Variants in PKHD1 observed in about 807,000 individuals in gnomAD.
PKHD1 encodes fibrocystin.
Under a neutral mutation model 412.0 loss-of-function variants are expected in PKHD1, and 291 were observed. The observed-to-expected ratio is 0.71, with a 90% CI of 0.64 to 0.78. PKHD1 has a LOEUF of 0.78. PKHD1 is among the 30% of genes least tolerant of loss of function. The pLI is 0.00. For synonymous variants in PKHD1, 1,777 were observed against 1,821.5 expected (o/e 0.98, Z 0.62); for missense variants, 4,825 against 4,950.7 (o/e 0.97, Z 0.76).
intron 61 of PKHD1, among the ~76,000 whole-genome samples, chr6:51,651,070 T>C (rs1770881049): frequency 6.6e-6 from 1 of 152,126 alleles, no homozygotes; most frequent in Non-Finnish European, 1.5e-5. Context: ...CATCAAAGAT[T>C]CTCACATAAG....
intron 11 of PKHD1, among the ~76,000 whole-genome samples, chr6:52,067,709 G>A (rs377723588): frequency 6.6e-6 from 1 of 152,186 alleles, no homozygotes; most frequent in Non-Finnish European, 1.5e-5. Flanking sequence ...GCAAAAGATA[G>A]CCTGAGTGTG....
At chr6:52,084,008 C>T (rs1443186158) in intron 2 of PKHD1, among the ~76,000 whole-genome samples, 2 of 151,632 alleles carry the variant, frequency 1.3e-5, no homozygotes, top group African/African-American at 4.8e-5. Flanking sequence ...ATATACTAGG[C>T]TAGATTGGAT....
chr6:51,942,805 G>A (rs1029003018), intron 36 of PKHD1, among the ~76,000 whole-genome samples: 26 of 151,658 alleles, frequency 1.7e-4, no homozygotes, highest in African/African-American at 6.3e-4. Context: ...TTCCATCGTG[G>A]AAATCCATCC....
intron 37 of PKHD1, among the ~76,000 whole-genome samples, chr6:51,915,607 CAG>C (rs946087588): frequency 6.6e-6 from 1 of 152,008 alleles, no homozygotes; most frequent in Non-Finnish European, 1.5e-5. Context: ...GAGTGGCATG[CAG>C]AGACAGTTGC....
At chr6:51,830,038 G>T (rs530157192) in intron 52 of PKHD1, among the ~76,000 whole-genome samples, 4 of 152,254 alleles carry the variant, frequency 2.6e-5, no homozygotes, top group Non-Finnish European at 5.9e-5. Context: ...CCGGCACATT[G>T]TTAGTTCTCA....
At chr6:51,704,693 T>G (rs1779812509) in intron 60 of PKHD1, among the ~76,000 whole-genome samples, 1 of 152,070 alleles carries the variant, frequency 6.6e-6, no homozygotes, top group South Asian at 2.1e-4. Flanking sequence ...GAGAGTGTAC[T>G]GTTGAAAATA....
intron 36 of PKHD1, among the ~76,000 whole-genome samples, chr6:51,951,043 T>G (rs1790291643): frequency 6.6e-6 from 1 of 152,212 alleles, no homozygotes; most frequent in Non-Finnish European, 1.5e-5. Flanking sequence ...GTATTAACTC[T>G]GTACTAATTA....
chr6:51,867,500 T>C (rs1167525041), intron 48 of PKHD1, among the ~76,000 whole-genome samples: 2 of 152,150 alleles, frequency 1.3e-5, no homozygotes, highest in African/African-American at 4.8e-5. Flanking sequence ...GAAGAGTACA[T>C]GTATATAAAT....
At chr6:51,943,402 A>G (rs1273309495) in intron 36 of PKHD1, among the ~76,000 whole-genome samples, 1 of 151,122 alleles carries the variant, frequency 6.6e-6, no homozygotes, top group East Asian at 1.9e-4. Flanking sequence ...ACCAAAAAAA[A>G]AAAAAACTCA....
At chr6:51,622,488 G>C (rs1561974140) in intron 66 of PKHD1, 1 of 152,076 alleles carries the variant, frequency 6.6e-6, no homozygotes, top group Non-Finnish European at 1.5e-5. Context: ...CAACCATCTT[G>C]GTTTCTCATT....
At chr6:51,701,071 T>C (rs1437754712) in intron 60 of PKHD1, among the ~76,000 whole-genome samples, 1 of 152,076 alleles carries the variant, frequency 6.6e-6, no homozygotes, top group Non-Finnish European at 1.5e-5. Context: ...ACAACTAAAA[T>C]TATTATGGGA....
chr6:52,024,595 T>C lies in PKHD1; in HGVS notation c.5215A>G (p.Thr1739Ala). The C allele has an allele frequency of 1.2e-6, 2 of 1,614,158 alleles. No individual in the cohort carries two copies. The highest frequency in any genetic ancestry group is 1.7e-6 in the Non-Finnish European group (2 of 1,180,014). Residue 1739 changes from threonine to alanine, a missense_variant, in exon 32 of 67, where the codon ACA becomes GCA. Physicochemically the swap from Thr to Ala is moderately conservative, Grantham distance 58 (BLOSUM62 0). Coordinates refer to ENST00000371117, the MANE Select transcript of PKHD1 (RefSeq NM_138694.4). ...TTACCGAAGTTCTCCGTCACTGCTG[T>C]AATAATAACTCTTGAGGTGAACACC... ...ALVFTSRVII[T>A]AVTENFGCLG...
At chr6:51,668,974 C>T (rs1033747497) in intron 60 of PKHD1, among the ~76,000 whole-genome samples, 3 of 152,132 alleles carry the variant, frequency 2.0e-5, no homozygotes, top group African/African-American at 7.2e-5. Context: ...ATTTTTGCAT[C>T]AATGTTCATC....
chr6:51,697,396 CAT>C (rs1441030426), intron 60 of PKHD1, among the ~76,000 whole-genome samples: 1 of 152,202 alleles, frequency 6.6e-6, no homozygotes, highest in Admixed American at 6.5e-5. Flanking sequence ...CCCATCAACA[CAT>C]ATTCTGCACC....
chr6:52,024,873 T>G lies in PKHD1; in HGVS notation c.4937A>C (p.His1646Pro), dbSNP rs1275377289. The G allele has an allele frequency of 2.5e-6, 4 of 1,614,082 alleles. No individual in the cohort carries two copies. The highest frequency in any genetic ancestry group is 3.4e-6 in the Non-Finnish European group (4 of 1,180,040). ...LEIEVDGLWY[H>P]IGVIGYNKAF... ...CTTGTTATAACCAATGACTCCTATG[T>G]GATACCAAAGTCCATCTACCTCTAT... Residue 1646 changes from histidine (H) to proline (P), a missense_variant, in exon 32 of 67, where the codon CAC (histidine) becomes CCC (proline). By Grantham distance (77) the His-to-Pro change is moderately conservative. Transcript: ENST00000371117.
chr6:52,084,759 G>T, intron 2 of PKHD1, 123 bp downstream of exon 2: 2 of 761,482 alleles, frequency 2.6e-6, no homozygotes, highest in South Asian at 1.4e-5. Flanking sequence ...TTTTTGATTG[G>T]CAAGTTAAAA....
intron 52 of PKHD1, among the ~76,000 whole-genome samples, chr6:51,811,668 A>G (rs1764702737): frequency 6.6e-6 from 1 of 152,176 alleles, no homozygotes; most frequent in Admixed American, 6.6e-5. Context: ...AGATGGTAAT[A>G]GTGCTTCACA....
chr6:51,624,779 C>T (rs1767037990), intron 66 of PKHD1, among the ~76,000 whole-genome samples: 1 of 152,184 alleles, frequency 6.6e-6, no homozygotes, highest in Non-Finnish European at 1.5e-5. Context: ...GGCCATGTTA[C>T]TGATGAGGAC....
At chr6:52,013,256 A>G (rs1896972) in intron 34 of PKHD1, among the ~76,000 whole-genome samples, 78,978 of 151,890 alleles carry the variant, frequency 0.52, 22,240 homozygotes, top group Admixed American at 0.63. Context: ...GAGTCACTCT[A>G]CCCTCTGTTT....
Sources: gnomAD v4.1 joint callset for allele counts (sites outside exome capture counted in the v4.1 genomes callset) on GRCh38, gnomAD v4.1.1 for gene constraint, MANE v1.5 for transcripts, NCBI Gene and HGNC (gene_info 2026-07-23, HGNC 2026-07-21) for gene names.